Variants in C1QL1 observed in about 807,000 individuals in gnomAD.
C1QL1 encodes C1q-related factor.
A neutral mutation model predicts 14.2 loss-of-function variants in C1QL1; 15 were observed. That is an observed-to-expected ratio of 1.06 (90% CI 0.71 to 1.62). The LOEUF (loss-of-function observed/expected upper bound fraction) is 1.62. Among genes scored for constraint, C1QL1 ranks in the 40% most tolerant of loss-of-function variants. The pLI is 0.00. For missense variants in C1QL1, 346 were observed against 380.3 expected (o/e 0.91, Z 0.75); for synonymous variants, 172 against 172.4 (o/e 1.00, Z 0.02).
chr17:44,961,892 CAAAAAAAA>C (rs1216209496), intron 1 of C1QL1, among the ~76,000 whole-genome samples: 1 of 59,188 alleles, frequency 1.7e-5, no homozygotes, highest in Non-Finnish European at 3.8e-5. Context: ...GACTCCGTCT[CAAAAAAAA>C]AAAAAAAAAA....
chr17:44,964,583 T>G (rs2052646400), intron 1 of C1QL1, among the ~76,000 whole-genome samples: 1 of 152,118 alleles, frequency 6.6e-6, no homozygotes, highest in African/African-American at 2.4e-5. Context: ...AACACAGTAT[T>G]CGCTGGGGCG....
Position 44,960,177 on chromosome 17 carries a change from A to G in C1QL1, c.*11T>C. 2 of 1,612,676 alleles carry G rather than the reference A, an allele frequency of 1.2e-6. No homozygotes were observed. The highest frequency in any genetic ancestry group is 1.7e-6 in the Non-Finnish European group (2 of 1,179,214). Reference sequence around the variant, plus strand: ...GGGTGAGGGACGTGGGTGGAGGGAGACGTGGGGAGCTCAGTCGGAGTAGAT... The same window carrying G: ...GGGTGAGGGACGTGGGTGGAGGGAGGCGTGGGGAGCTCAGTCGGAGTAGAT... On this transcript the variant is annotated 3_prime_UTR_variant, in exon 2 of 2. Transcript: ENST00000253407.
intron 1 of C1QL1, among the ~76,000 whole-genome samples, chr17:44,960,816 A>G (rs2052623914): frequency 6.6e-6 from 1 of 152,186 alleles, no homozygotes; most frequent in South Asian, 2.1e-4. Context: ...GCTGGATCTT[A>G]TGTCAGTGGA....
intron 1 of C1QL1, among the ~76,000 whole-genome samples, chr17:44,961,653 G>A (rs1466667744): frequency 1.3e-5 from 2 of 150,616 alleles, no homozygotes; most frequent in African/African-American, 4.9e-5. Flanking sequence ...TTGGGAGGCC[G>A]AGGCGGGTGG....
In C1QL1 at chr17:44,960,268, TGATG is replaced by T; in HGVS notation, c.693_696del (p.Phe231LeufsTer80). ...CCGTGTGCTTTGCCTCCATCCAGCT[TGATG>T]AAGACCTCGTCGCCGGCGTCCAGGT... On this transcript the variant is annotated frameshift_variant, in exon 2 of 2. Coordinates refer to ENST00000253407, the MANE Select transcript of C1QL1 (RefSeq NM_006688.5). LOFTEE classifies it high-confidence loss of function. 1 of 1,614,086 alleles carries T rather than the reference TGATG, an allele frequency of 6.2e-7. No individual in the cohort carries two copies. Among genetic ancestry groups the T allele is most frequent in the Non-Finnish European group, 8.5e-7 (1 of 1,179,948 alleles).
In C1QL1 at chr17:44,959,955, G is replaced by A; in HGVS notation, c.*233C>T. The A allele has an allele frequency of 1.8e-6, 1 of 544,186 alleles. No individual in the cohort carries two copies. The highest frequency in any genetic ancestry group is 3.2e-6 in the Non-Finnish European group (1 of 307,890). 33.7% of individuals were successfully genotyped at this position (544,186 alleles called of 1,614,324 possible). On this transcript the variant is annotated 3_prime_UTR_variant, in exon 2 of 2. Coordinates refer to ENST00000253407, the MANE Select transcript of C1QL1 (RefSeq NM_006688.5). ...CAAATATATAGCGCGGGCTGGGCGGGGGCGGTCAACCCCGGTTCCCTGGCA... is the reference window on the plus strand; with the variant it reads ...CAAATATATAGCGCGGGCTGGGCGGAGGCGGTCAACCCCGGTTCCCTGGCA...
chr17:44,968,090 C>A lies in C1QL1; in HGVS notation c.-42G>T. 1 of 1,232,066 alleles carries A rather than the reference C, an allele frequency of 8.1e-7. No individual in the cohort carries two copies. The highest frequency in any genetic ancestry group is 3.0e-5 in the South Asian group (1 of 32,860). 76.3% of individuals were successfully genotyped at this position (1,232,066 alleles called of 1,614,324 possible). On this transcript the variant is annotated 5_prime_UTR_variant, in exon 1 of 2. Coordinates refer to ENST00000253407, the MANE Select transcript of C1QL1 (RefSeq NM_006688.5). ...GCCGCTAGCAGCGTCTTTCGGCCCG[C>A]GCGGAGCCTGGGGAGCGCCGGGCCG...
At chr17:44,964,757 G>A (rs1467226540) in intron 1 of C1QL1, among the ~76,000 whole-genome samples, 3 of 152,228 alleles carry the variant, frequency 2.0e-5, no homozygotes, top group Non-Finnish European at 2.9e-5. Context: ...CAATTTGGAA[G>A]AAGTCATAAA....
chr17:44,959,989 G>T lies in C1QL1; in HGVS notation c.*199C>A. ...ACCCCGGTTCCCTGGCACGGGGACA[G>T]GGCGCGCTGGGCCCGGCTCTGCAGC... On this transcript the variant is annotated 3_prime_UTR_variant, in exon 2 of 2. Transcript: ENST00000253407. 1.7e-6 allele frequency: 1 copy of T among 578,974 alleles called. No homozygotes were observed. The allele number at this position is 578,974 out of a possible 1,614,324, so 35.9% of individuals were successfully genotyped here. A position where few individuals can be genotyped will look rare whatever the true frequency, so the allele number is the denominator to read the frequency against.
In C1QL1 at chr17:44,960,260, A is replaced by G; in HGVS notation, c.705T>C (p.Asp235=). Reference sequence around the variant, plus strand: ...TGTTGCCGCCGTGTGCTTTGCCTCCATCCAGCTTGATGAAGACCTCGTCGC... The same window carrying G: ...TGTTGCCGCCGTGTGCTTTGCCTCCGTCCAGCTTGATGAAGACCTCGTCGC... ...DAGDEVFIKL[D]GGKAHGGNSN... The change falls in exon 2 of 2, where the codon GAT becomes GAC. Residue 235 remains aspartate, a synonymous_variant. Coordinates refer to ENST00000253407, the MANE Select transcript of C1QL1 (RefSeq NM_006688.5). 1.2e-6 allele frequency: 2 copies of G among 1,614,150 alleles called. No individual in the cohort carries two copies. Among genetic ancestry groups the G allele is most frequent in the Non-Finnish European group, 8.5e-7 (1 of 1,179,998 alleles).
chr17:44,959,856 A>T lies in C1QL1; in HGVS notation c.*332T>A. On this transcript the variant is annotated 3_prime_UTR_variant, in exon 2 of 2. Coordinates refer to ENST00000253407, the MANE Select transcript of C1QL1 (RefSeq NM_006688.5). ...GCTCATCTCAGAGCGCAGGAAGCAA[A>T]CCCGCCGCCGCGACCTCTCCCCAGG... 1 of 248,656 alleles carries T rather than the reference A, an allele frequency of 4.0e-6. No individual in the cohort carries two copies. Among genetic ancestry groups the T allele is most frequent in the Non-Finnish European group, 7.6e-6 (1 of 131,034 alleles). 15.4% of individuals were successfully genotyped at this position (248,656 alleles called of 1,614,324 possible).
chr17:44,965,168 A>G (rs545570996), intron 1 of C1QL1, among the ~76,000 whole-genome samples: 1 of 152,118 alleles, frequency 6.6e-6, no homozygotes, highest in Non-Finnish European at 1.5e-5. Flanking sequence ...GCCTGCCACC[A>G]CGCCCAGCTA....
At chr17:44,962,315 C>T (rs931286770) in intron 1 of C1QL1, among the ~76,000 whole-genome samples, 16 of 152,156 alleles carry the variant, frequency 1.1e-4, no homozygotes, top group African/African-American at 3.9e-4. Context: ...GAAGAGGACC[C>T]GACATATTTG....
Position 44,968,244 on chromosome 17 carries a change from G to A in C1QL1, c.-196C>T, listed in dbSNP as rs987798415. Among the ~76,000 whole-genome samples the A allele has an allele frequency of 2.7e-5, 4 of 148,132 alleles. No homozygotes were observed. Among genetic ancestry groups the A allele is most frequent in the African/African-American group, 9.8e-5 (4 of 40,960 alleles). On this transcript the variant is annotated 5_prime_UTR_variant, in exon 1 of 2. Transcript: ENST00000253407. ...CGGGGCGCCGCGCTGCGCTGGCTGC[G>A]CTGCGGAGCCCAGCCGCCGGCTCCT...
Position 44,967,735 on chromosome 17 carries a change from G to T in C1QL1, c.314C>A (p.Pro105Gln). Residue 105 changes from proline to glutamine, a missense_variant, in exon 1 of 2, where the codon CCG becomes CAG. Coordinates refer to ENST00000253407, the MANE Select transcript of C1QL1 (RefSeq NM_006688.5). This position sits in a 1 kb window ranked among gnomAD's most constrained non-coding sequence, Gnocchi z 7.0. The part of the protein sequence containing the change: ...PPGEKGEPGK[P>Q]GPPGLPGAGG... ...CGCGCCCGGCAGCCCCGGAGGGCCC[G>T]GCTTGCCTGGCTCACCCTTCTCCCC... 1 of 1,599,660 alleles carries T rather than the reference G, an allele frequency of 6.3e-7. No homozygotes were observed. Among genetic ancestry groups the T allele is most frequent in the Non-Finnish European group, 8.5e-7 (1 of 1,175,476 alleles).
Position 44,959,930 on chromosome 17 carries a change from C to T in C1QL1, c.*258G>A, listed in dbSNP as rs2052617604. ...GTGGGCAGTAAACAGTCCTATTGTA[C>T]AAATATATAGCGCGGGCTGGGCGGG... On this transcript the variant is annotated 3_prime_UTR_variant, in exon 2 of 2. Coordinates refer to ENST00000253407, the MANE Select transcript of C1QL1 (RefSeq NM_006688.5). 2.0e-6 allele frequency: 1 copy of T among 490,782 alleles called. No homozygotes were observed. Among genetic ancestry groups the T allele is most frequent in the African/African-American group, 2.1e-5 (1 of 48,308 alleles). The allele number at this position is 490,782 out of a possible 1,614,324, so 30.4% of individuals were successfully genotyped here.
intron 1 of C1QL1, among the ~76,000 whole-genome samples, 188 bp from the exon 2 acceptor site, chr17:44,960,555 A>G (rs950346081): frequency 2.6e-5 from 4 of 152,068 alleles, no homozygotes; most frequent in Admixed American, 1.3e-4. Context: ...GGAAAGGGGC[A>G]GAGAGGATCC....
intron 1 of C1QL1, among the ~76,000 whole-genome samples, chr17:44,965,952 C>T (rs2052655133): frequency 6.6e-6 from 1 of 152,188 alleles, no homozygotes; most frequent in South Asian, 2.1e-4. Context: ...GATACTGGGG[C>T]CTCCCATTTG....
rs1010039509 is a variant in C1QL1, at chr17:44,967,405, C to T, written c.597+47G>A. On this transcript the variant is annotated intron_variant, in intron 1 of 1. Coordinates refer to ENST00000253407, the MANE Select transcript of C1QL1 (RefSeq NM_006688.5). This position sits in a 1 kb window ranked among gnomAD's most constrained non-coding sequence, Gnocchi z 7.0. ...CAGGTACCCATTTGCCCCGGGCTCC[C>T]TGGGTGCCCTGGGCCCAGCCCAGCC... 6.3e-6 allele frequency: 10 copies of T among 1,584,346 alleles called. No homozygotes were observed. The highest frequency in any genetic ancestry group is 4.0e-5 in the African/African-American group (3 of 74,160).
Sources: allele counts gnomAD v4.1 joint callset (sites outside exome capture counted in the v4.1 genomes callset), GRCh38; gene constraint gnomAD v4.1.1; non-coding constraint Gnocchi (gnomAD v3.1); transcripts MANE v1.5; gene names NCBI Gene and HGNC (gene_info 2026-07-23, HGNC 2026-07-21).